The following ZNF529 variants were observed in gnomAD, a reference collection of about 807,000 sequenced individuals.
ZNF529 encodes the protein zinc finger protein 529.
Under a neutral mutation model 10.1 loss-of-function variants are expected in ZNF529, and 11 were observed. The observed-to-expected ratio is 1.09, with a 90% confidence interval of 0.69 to 1.81. ZNF529 has a LOEUF of 1.81. ZNF529 is among the 40% of genes most tolerant of loss of function. ZNF529 has a pLI of 0.00. For missense variants in ZNF529, 624 were observed against 666.8 expected, an observed-to-expected ratio of 0.94 and a Z score of 0.71; for synonymous variants, 204 against 215.7, an observed-to-expected ratio of 0.95 and a Z score of 0.47.
At chr19:36,562,170 G>C (rs576101835) in intron 2 of ZNF529, among the ~76,000 whole-genome samples, 1 of 151,970 alleles carries the variant, frequency 6.6e-6, no homozygotes, top group African/African-American at 2.4e-5. Context: ...CCTGGGAGGC[G>C]GAGGTTGCGG....
chr19:36,576,587 C>T (rs771082995), upstream of ZNF529, among the ~76,000 whole-genome samples: 1 of 151,918 alleles, frequency 6.6e-6, no homozygotes, highest in Non-Finnish European at 1.5e-5. Flanking sequence ...CGTAGTGGCC[C>T]GCACCTGTAG....
chr19:36,547,970 T>C lies in ZNF529; in HGVS notation c.588A>G (p.Gly196=), dbSNP rs776336643. The change falls in exon 5 of 5, where the codon GGA becomes GGG. Residue 196 remains glycine, a synonymous_variant. Transcript: ENST00000591340. ...AACATTGATTACATTCATAGTTTTT[T>C]CCACCAGTATGTATTTTCTGATATT... ...FDEYQKIHTG[G]KNYECNQCWK... The C allele has an allele frequency of 2.5e-6, 4 of 1,612,940 alleles. No individual in the cohort carries two copies. In the East Asian group the frequency reaches 6.7e-5, roughly 27 times the overall value.
chr19:36,554,709 C>T lies in ZNF529; in HGVS notation c.196G>A (p.Asp66Asn), dbSNP rs748819394. The T allele has an allele frequency of 1.9e-6, 3 of 1,575,276 alleles. No homozygotes were observed. The East Asian group carries it at 6.9e-5, about 36-fold the overall frequency. Residue 66 changes from aspartate (D) to asparagine (N), a missense_variant, in exon 4 of 5, where the codon GAT becomes AAT. Asp to Asn is a conservative substitution (Grantham distance 23). Coordinates refer to ENST00000591340, the MANE Select transcript of ZNF529 (RefSeq NM_020951.5). ...TTGCTGTAGTTCTCCATCATCACATCCCAGTACAAGTTCCTCTGAGCAGAA... is the reference window on the plus strand; with the variant it reads ...TTGCTGTAGTTCTCCATCATCACATTCCAGTACAAGTTCCTCTGAGCAGAA... The part of the protein sequence containing the change: ...LDSAQRNLYW[D>N]VMMENYSNLL...
At chr19:36,590,308 G>A (rs1298112560) in intron 1 of ZNF529, among the ~76,000 whole-genome samples, 1 of 152,124 alleles carries the variant, frequency 6.6e-6, no homozygotes, top group Non-Finnish European at 1.5e-5. Flanking sequence ...CCGGGAAGTC[G>A]AGGTTGCAGT....
At chr19:36,603,871 C>T (rs1361360935) in intron 1 of ZNF529, among the ~76,000 whole-genome samples, 1 of 152,152 alleles carries the variant, frequency 6.6e-6, no homozygotes, top group Non-Finnish European at 1.5e-5. Context: ...CAACTTGCCC[C>T]CACAGAGCTT....
intron 2 of ZNF529, among the ~76,000 whole-genome samples, chr19:36,584,673 A>T (rs1363209674): frequency 6.6e-6 from 1 of 151,894 alleles, no homozygotes; most frequent in East Asian, 1.9e-4. Context: ...AGGCTAAGGC[A>T]AGATAATCGC....
intron 2 of ZNF529, among the ~76,000 whole-genome samples, chr19:36,586,306 T>TA (rs1339509802): frequency 2.0e-5 from 3 of 152,118 alleles, no homozygotes; most frequent in African/African-American, 7.2e-5. Flanking sequence ...CTCTGTGTCA[T>TA]AAAATCTATT....
intron 2 of ZNF529, among the ~76,000 whole-genome samples, chr19:36,557,558 AC>A (rs1309146507): frequency 6.6e-6 from 1 of 151,930 alleles, no homozygotes; most frequent in East Asian, 1.9e-4. Context: ...GGGGGAAACC[AC>A]CCCCATGATT....
chr19:36,589,196 C>A (rs2036650224), intron 2 of ZNF529, among the ~76,000 whole-genome samples: 1 of 152,130 alleles, frequency 6.6e-6, no homozygotes, highest in Non-Finnish European at 1.5e-5. Flanking sequence ...ATCCTCCAGC[C>A]ATGAGCCACT....
rs61695534 is a variant in ZNF529 at position 36,596,057 on chromosome 19, C to CTTTT, written c.-127-6360_-127-6357dup. Among the ~76,000 whole-genome samples the CTTTT allele has an allele frequency of 5.8e-5, 4 of 68,618 alleles. 1 individual carries two copies. The highest frequency in any genetic ancestry group is 7.7e-5 in the Non-Finnish European group (3 of 38,764). 45.0% of individuals were successfully genotyped at this position (68,618 alleles called of 152,430 possible). On this transcript the variant is annotated intron_variant, in intron 1 of 4. Transcript: ENST00000585960. ...ATTGACCTTTTTATATCCTGAAGCT[C>CTTTT]TTTTTTTTTTTTTTTTTTTTTTTTT...
chr19:36,571,259 G>C (rs1329952490), intron 2 of ZNF529, among the ~76,000 whole-genome samples: 1 of 152,162 alleles, frequency 6.6e-6, no homozygotes, highest in African/African-American at 2.4e-5. Flanking sequence ...TTGGTATAAA[G>C]ATATGAGTGT....
intron 2 of ZNF529, among the ~76,000 whole-genome samples, chr19:36,557,629 T>C (rs191532605): frequency 6.6e-6 from 1 of 152,232 alleles, no homozygotes; most frequent in East Asian, 1.9e-4. Flanking sequence ...TCAAGGTGAG[T>C]TTTGGGTGGA....
intron 4 of ZNF529, among the ~76,000 whole-genome samples, chr19:36,548,667 T>G (rs2035145742): frequency 6.6e-6 from 1 of 152,222 alleles, no homozygotes; most frequent in African/African-American, 2.4e-5. Flanking sequence ...CTAACACTTT[T>G]GTGGTTTTCC....
intron 2 of ZNF529, among the ~76,000 whole-genome samples, chr19:36,584,384 T>G (rs1440283220): frequency 6.6e-6 from 1 of 152,076 alleles, no homozygotes; most frequent in Non-Finnish European, 1.5e-5. Context: ...GCAAGGAAAT[T>G]GGTAAATATG....
intron 2 of ZNF529, among the ~76,000 whole-genome samples, chr19:36,556,758 G>T (rs556734715): frequency 6.6e-6 from 1 of 152,312 alleles, no homozygotes; most frequent in African/African-American, 2.4e-5. Flanking sequence ...GCACGCCATT[G>T]TCCCTACCTC....
At chr19:36,561,851 G>A (rs1389544130) in intron 2 of ZNF529, among the ~76,000 whole-genome samples, 1 of 152,222 alleles carries the variant, frequency 6.6e-6, no homozygotes, top group Non-Finnish European at 1.5e-5. Context: ...TATTCTCCAG[G>A]CTAAAGGTTT....
chr19:36,573,410 C>T (rs1168465994), upstream of ZNF529: 1 of 467,998 alleles, frequency 2.1e-6, no homozygotes, highest in Admixed American at 2.4e-5. Flanking sequence ...CCGCAGGGGC[C>T]GCACCACGCC....
chr19:36,556,177 T>A lies in ZNF529; in HGVS notation c.35A>T (p.His12Leu). ...ANSSFIGDHVHGAPHAVMPEV... is the reference protein window; with the variant it reads ...ANSSFIGDHVLGAPHAVMPEV... ...TGGCATGACAGCATGAGGAGCTCCA[T>A]GGACATGATCCCCAATGAAACTGTA... Residue 12 changes from histidine to leucine, a missense_variant, in exon 3 of 5, where the codon CAT (histidine) becomes CTT (leucine). By Grantham distance (99) the His-to-Leu change is moderately conservative (BLOSUM62 -3). Coordinates refer to ENST00000591340, the MANE Select transcript of ZNF529 (RefSeq NM_020951.5). 1 of 1,260,958 alleles carries A rather than the reference T, an allele frequency of 7.9e-7. No individual in the cohort carries two copies. The highest frequency in any genetic ancestry group is 1.1e-6 in the Non-Finnish European group (1 of 881,564). 78.1% of individuals were successfully genotyped at this position (1,260,958 alleles called of 1,614,324 possible).
At chr19:36,579,196 G>A (rs1263973450) in intron 2 of ZNF529, among the ~76,000 whole-genome samples, 9 of 148,358 alleles carry the variant, frequency 6.1e-5, no homozygotes, top group Non-Finnish European at 8.9e-5. Flanking sequence ...GTGAGACTCC[G>A]TCTAAAAAAA....
Sources: gnomAD v4.1 joint callset for allele counts (sites outside exome capture counted in the v4.1 genomes callset) on GRCh38, gnomAD v4.1.1 for gene constraint, MANE v1.5 for transcripts, NCBI Gene and HGNC (gene_info 2026-07-23, HGNC 2026-07-21) for gene names.